Variants in DNAAF9 observed in about 807,000 individuals in gnomAD.
The protein encoded by DNAAF9 is dynein axonemal assembly factor 9.
A neutral mutation model predicts 167.0 loss-of-function variants in DNAAF9; 90 were observed. That is an observed-to-expected ratio of 0.54 (90% CI 0.45 to 0.64). DNAAF9 has a LOEUF of 0.64. Ranked by LOEUF, DNAAF9 falls within the 30% of genes least tolerant of loss-of-function variation. The pLI is 0.00. For synonymous variants in DNAAF9, 491 were observed against 508.8 expected, an observed-to-expected ratio of 0.96 and a Z score of 0.47; for missense variants, 1,315 against 1,442.2, an observed-to-expected ratio of 0.91 and a Z score of 1.43.
Position 3,253,751 on chromosome 20 carries a change from AAAG to A in DNAAF9, c.3393_3395del (p.Phe1132del). On this transcript the variant is annotated inframe_deletion, in exon 36 of 37. Coordinates refer to ENST00000252032, the MANE Select transcript of DNAAF9 (RefSeq NM_001009984.3). ...GTGGGTGAAAATCAGTTTTGTCACC[AAAG>A]AAGTTAACAAATTGGGTGCCATTAT... 1.9e-6 allele frequency: 3 copies of A among 1,612,156 alleles called. No individual in the cohort carries two copies. Among genetic ancestry groups the A allele is most frequent in the Non-Finnish European group, 2.5e-6 (3 of 1,178,196 alleles).
chr20:3,279,475 G>A (rs1253508704), intron 28 of DNAAF9, among the ~76,000 whole-genome samples: 1 of 152,194 alleles, frequency 6.6e-6, no homozygotes, highest in African/African-American at 2.4e-5. Context: ...GGGGGTGACT[G>A]ATCCAAAGTG....
chr20:3,303,159 G>A (rs1445340666), intron 21 of DNAAF9, among the ~76,000 whole-genome samples: 9 of 151,558 alleles, frequency 5.9e-5, no homozygotes, highest in African/African-American at 1.9e-4. Context: ...GGAGAATGGC[G>A]TGAACCAGGG....
chr20:3,370,656 C>T (rs1359778313), intron 6 of DNAAF9, among the ~76,000 whole-genome samples: 1 of 152,180 alleles, frequency 6.6e-6, no homozygotes, highest in East Asian at 1.9e-4. Context: ...GATCCACCCG[C>T]CTCAGCCTCC....
At chr20:3,254,101 T>C (rs148756114) in intron 35 of DNAAF9, among the ~76,000 whole-genome samples, 1 of 152,082 alleles carries the variant, frequency 6.6e-6, no homozygotes, top group South Asian at 2.1e-4. Flanking sequence ...TTTTTTGAGA[T>C]AGAGTCTTGC....
chr20:3,331,297 A>G (rs1283691385), intron 11 of DNAAF9, among the ~76,000 whole-genome samples: 1 of 152,180 alleles, frequency 6.6e-6, no homozygotes, highest in East Asian at 1.9e-4. Flanking sequence ...GACATCAGTA[A>G]ACAGGCTCAG....
chr20:3,252,296 C>T lies in DNAAF9; in HGVS notation c.*276G>A. ...CAAAGGAGATCCTGTTATCAGAAAC[C>T]CAGAGCTCCTGGACTGCCAGTTGCA... is the stretch of plus-strand genomic sequence containing the variant. On this transcript the variant is annotated 3_prime_UTR_variant, in exon 37 of 37. Coordinates refer to ENST00000252032, the MANE Select transcript of DNAAF9 (RefSeq NM_001009984.3). The T allele has an allele frequency of 3.2e-6, 1 of 309,370 alleles. No homozygotes were observed. The highest frequency in any genetic ancestry group is 7.3e-5 in the East Asian group (1 of 13,694). The allele number at this position is 309,370 out of a possible 1,614,324, so 19.2% of individuals were successfully genotyped here.
chr20:3,327,298 T>C (rs6051747), intron 12 of DNAAF9, among the ~76,000 whole-genome samples: 31,300 of 151,982 alleles, frequency 0.21, 3,528 homozygotes, highest in African/African-American at 0.28. Context: ...CCCTACCCAC[T>C]AGATGTTGGT....
At chr20:3,400,612 T>C (rs760164177) in intron 1 of DNAAF9, among the ~76,000 whole-genome samples, 1 of 152,198 alleles carries the variant, frequency 6.6e-6, no homozygotes, top group Non-Finnish European at 1.5e-5. Context: ...AATATCCAAG[T>C]TGCAAACCCT....
chr20:3,376,396 T>C, intron 3 of DNAAF9, 94 bp from the exon 4 acceptor site: 1 of 1,017,508 alleles, frequency 9.8e-7, no homozygotes, highest in East Asian at 2.6e-5. Context: ...TTGAAACTAC[T>C]TCAGAGACAA....
At chr20:3,342,194 A>G (rs1261971210) in intron 9 of DNAAF9, among the ~76,000 whole-genome samples, 1 of 152,156 alleles carries the variant, frequency 6.6e-6, no homozygotes, top group Admixed American at 6.5e-5. Context: ...ACTCCAGCCA[A>G]GATAATTTTC....
chr20:3,259,568 A>C lies in DNAAF9; in HGVS notation c.2981-14T>G. The C allele has an allele frequency of 6.3e-7, 1 of 1,590,452 alleles. No individual in the cohort carries two copies. The highest frequency in any genetic ancestry group is 8.6e-7 in the Non-Finnish European group (1 of 1,158,384). ...AGGACTGAATTGCTGGTGGAAGAAGAGGACAGCGCTGTCACCCACATGGAG... is the reference window on the plus strand; with the variant it reads ...AGGACTGAATTGCTGGTGGAAGAAGCGGACAGCGCTGTCACCCACATGGAG... On this transcript the variant is annotated splice_polypyrimidine_tract_variant and intron_variant, in intron 32 of 36. Coordinates refer to ENST00000252032, the MANE Select transcript of DNAAF9 (RefSeq NM_001009984.3).
chr20:3,293,998 T>C, intron 25 of DNAAF9, 141 bp downstream of exon 25: 2 of 635,470 alleles, frequency 3.1e-6, no homozygotes, highest in South Asian at 1.9e-5. Context: ...TATCATTACA[T>C]TTCAGGATCC....
In DNAAF9 at chr20:3,326,133, C is replaced by T. The variant is rs2069706706; in HGVS notation, c.1188+64G>A. 3 of 1,220,184 alleles carry T rather than the reference C, an allele frequency of 2.5e-6. No individual in the cohort carries two copies. In the Admixed American group the frequency reaches 5.2e-5, roughly 21 times the overall value. The allele number at this position is 1,220,184 out of a possible 1,614,324, so 75.6% of individuals were successfully genotyped here. ...CTACAAGATGTCCAAAGAAGAAACA[C>T]ATGGATAGAATGTTTTACATTAAAA... On this transcript the variant is annotated intron_variant, in intron 13 of 36. Transcript: ENST00000252032.
intron 31 of DNAAF9, among the ~76,000 whole-genome samples, chr20:3,262,526 G>C: frequency 6.6e-6 from 1 of 152,184 alleles, no homozygotes; most frequent in East Asian, 1.9e-4. Flanking sequence ...TGGGATTACA[G>C]GTGTGAGCCA....
At chr20:3,299,985 C>T (rs1568589188) in intron 21 of DNAAF9, among the ~76,000 whole-genome samples, 1 of 152,168 alleles carries the variant, frequency 6.6e-6, no homozygotes, top group Non-Finnish European at 1.5e-5. Flanking sequence ...TCACTGCAAC[C>T]TCTGCCTCCC....
intron 1 of DNAAF9, among the ~76,000 whole-genome samples, chr20:3,402,607 T>G (rs1268613763): frequency 6.6e-6 from 1 of 151,954 alleles, no homozygotes; most frequent in Non-Finnish European, 1.5e-5. Flanking sequence ...ACACAGGATC[T>G]CACTCTGTTG....
chr20:3,390,371 C>CT (rs34917762), intron 1 of DNAAF9, among the ~76,000 whole-genome samples: 2,556 of 141,130 alleles, frequency 0.018, 89 homozygotes, highest in East Asian at 0.15. Flanking sequence ...TATTCTCTCA[C>CT]TTTTTTTTTT....
At chr20:3,401,049 C>T (rs2083975757) in intron 1 of DNAAF9, among the ~76,000 whole-genome samples, 1 of 152,114 alleles carries the variant, frequency 6.6e-6, no homozygotes, top group Non-Finnish European at 1.5e-5. Context: ...AAGGCTGGGA[C>T]CATCTGTACC....
In DNAAF9 at chr20:3,381,909, A is replaced by G. The variant is rs146630605; in HGVS notation, c.164-411T>C. Among the ~76,000 whole-genome samples the G allele has an allele frequency of 5.3e-3, 813 of 152,312 alleles. 17 individuals are homozygous for G. Among genetic ancestry groups the G allele is most frequent in the Admixed American group, 0.039 (602 of 15,298 alleles). ...AATAATGTGAAGAAGAGGACAAGTG[A>G]GTGGAACCACAAACACCCATCACTT... On this transcript the variant is annotated intron_variant, in intron 2 of 36. Transcript: ENST00000252032.
Sources: allele counts gnomAD v4.1 joint callset (sites outside exome capture counted in the v4.1 genomes callset), GRCh38; gene constraint gnomAD v4.1.1; transcripts MANE v1.5; gene names NCBI Gene and HGNC (gene_info 2026-07-23, HGNC 2026-07-21).